SUN2: variants seen among roughly 807,000 people sequenced by gnomAD.
SUN2 encodes Sad1 and UNC84 domain containing 2.
Under a neutral mutation model 100.0 loss-of-function variants are expected in SUN2, and 60 were observed. The ratio of observed to expected loss-of-function variants is 0.60; its 90% CI spans 0.49 to 0.74. The LOEUF is 0.74. Among genes scored for constraint, SUN2 ranks in the 30% least tolerant of loss-of-function variants. The pLI is 0.00. For missense variants in SUN2, 834 were observed against 954.6 expected, an observed-to-expected ratio of 0.87 and a Z score of 1.66; for synonymous variants, 367 against 403.3, an observed-to-expected ratio of 0.91 and a Z score of 1.08.
intron 17 of SUN2, among the ~76,000 whole-genome samples, chr22:38,736,956 A>T (rs1421199997): frequency 6.6e-6 from 1 of 152,056 alleles, no homozygotes; most frequent in Non-Finnish European, 1.5e-5. Context: ...GGATCCTCCC[A>T]CCTTAGCCTC....
chr22:38,736,228 C>A lies in SUN2; in HGVS notation c.*39G>T. 6.3e-7 allele frequency: 1 copy of A among 1,582,852 alleles called. No individual in the cohort carries two copies. The highest frequency in any genetic ancestry group is 8.7e-7 in the Non-Finnish European group (1 of 1,155,234). ...GGGAAGCGGCGGGGTGCTGTTCACC[C>A]ACTCCCAGATGGCTGGCAGCAGGCA... On this transcript the variant is annotated 3_prime_UTR_variant, in exon 18 of 18. Transcript: ENST00000689035.
intron 5 of SUN2, 65 bp from the exon 6 acceptor site, chr22:38,749,924 G>A (rs138816207): frequency 1.7e-5 from 25 of 1,490,412 alleles, no homozygotes; most frequent in African/African-American, 1.2e-4. Context: ...CCTTTGTCCC[G>A]TCTGCCGTCC....
intron 8 of SUN2, 24 bp from the exon 9 acceptor site, chr22:38,742,579 C>T (rs773931170): frequency 1.7e-5 from 27 of 1,594,008 alleles, no homozygotes; most frequent in Admixed American, 5.1e-5. Flanking sequence ...GAGAGAGCCA[C>T]GGAGTGAGGG....
chr22:38,751,655 C>T (rs539108363), intron 2 of SUN2, among the ~76,000 whole-genome samples: 205 of 152,384 alleles, frequency 1.3e-3, no homozygotes, highest in African/African-American at 4.7e-3. Context: ...CCTGACCTGG[C>T]CTCAGAGCTA....
In SUN2 at chr22:38,755,337, T is replaced by C; in HGVS notation, c.-38+426A>G. 1 of 1,092,148 alleles carries C rather than the reference T, an allele frequency of 9.2e-7. No homozygotes were observed. The highest frequency in any genetic ancestry group is 4.5e-4 in the Middle Eastern group (1 of 2,244). The allele number at this position is 1,092,148 out of a possible 1,614,324, so 67.7% of individuals were successfully genotyped here. On this transcript the variant is annotated intron_variant, in intron 1 of 17. Coordinates refer to ENST00000689035, the MANE Select transcript of SUN2 (RefSeq NM_015374.3). This position sits in a 1 kb window ranked among gnomAD's most constrained non-coding sequence, Gnocchi z 5.7. ...AAGTCACACCGCGCCCCCCATTGCT[T>C]TGTTTTGTTTTGTTTTAGAACTGAA...
chr22:38,738,696 A>G lies in SUN2; in HGVS notation c.1838T>C (p.Val613Ala). 3 of 1,613,724 alleles carry G rather than the reference A, an allele frequency of 1.9e-6. No individual in the cohort carries two copies. The highest frequency in any genetic ancestry group is 2.5e-6 in the Non-Finnish European group (3 of 1,179,990). Residue 613 changes from valine (V) to alanine (A), a missense_variant, in exon 16 of 18, where the codon GTC (valine) becomes GCC (alanine). Physicochemically the swap from Val to Ala is moderately conservative, Grantham distance 64 (BLOSUM62 0). This residue lies in a region of SUN2 where 195 missense variants were observed against 280.2 expected (regional missense o/e 0.70). Coordinates refer to ENST00000689035, the MANE Select transcript of SUN2 (RefSeq NM_015374.3). The surrounding 1 kb of genome is among the most constrained non-coding windows in gnomAD (Gnocchi z 6.6). ...AFQGPQGFAV[V>A]RLSARIRPTA... ...GGGGCGGATGCGGGCAGAGAGGCGG[A>G]CCACGGCGAAGCCTTGTGGCCCCTG...
At chr22:38,741,207 G>A (rs960141278) in intron 10 of SUN2, among the ~76,000 whole-genome samples, 157 bp from the exon 11 acceptor site, 2 of 152,126 alleles carry the variant, frequency 1.3e-5, no homozygotes, top group African/African-American at 4.8e-5. Context: ...CCTTGTCAAA[G>A]CCCTCATGAG....
intron 4 of SUN2, 88 bp from the exon 5 acceptor site, chr22:38,750,408 C>T: frequency 2.6e-6 from 4 of 1,565,982 alleles, no homozygotes; most frequent in Non-Finnish European, 3.5e-6. Flanking sequence ...CACAAGTCAC[C>T]CACCCTCCTT....
chr22:38,752,918 G>A (rs751686472), intron 1 of SUN2, among the ~76,000 whole-genome samples: 8 of 152,244 alleles, frequency 5.3e-5, no homozygotes, highest in Non-Finnish European at 8.8e-5. Flanking sequence ...CCTCTTCCAG[G>A]GCGCTTTCCA....
In SUN2 at chr22:38,752,576, C is replaced by T. The variant is rs1195787762; in HGVS notation, c.53G>A (p.Gly18Asp). 7 of 1,613,998 alleles carry T rather than the reference C, an allele frequency of 4.3e-6. No homozygotes were observed. The highest frequency in any genetic ancestry group is 4.2e-6 in the Non-Finnish European group (5 of 1,179,946). ...CGAGCTCCCTCCGCTGCTGCTGCTG[C>T]CGTCATCGTCACCCTGGGAGTAGCG... ...LTRYSQGDDD[G>D]SSSSGGSSVA... Residue 18 changes from glycine (G) to aspartate (D), a missense_variant, in exon 2 of 18, where the codon GGC becomes GAC. Gly to Asp is a moderately conservative substitution (Grantham distance 94). Transcript: ENST00000689035.
Position 38,740,740 on chromosome 22 carries a change from G to GT in SUN2, c.1190+266dup. 1.7e-6 allele frequency: 1 copy of GT among 589,604 alleles called. No homozygotes were observed. Among genetic ancestry groups the GT allele is most frequent in the South Asian group, 2.1e-5 (1 of 48,300 alleles). The allele number at this position is 589,604 out of a possible 1,614,324, so 36.5% of individuals were successfully genotyped here. On this transcript the variant is annotated intron_variant, in intron 11 of 17. Coordinates refer to ENST00000689035, the MANE Select transcript of SUN2 (RefSeq NM_015374.3). This position sits in a 1 kb window ranked among gnomAD's most constrained non-coding sequence, Gnocchi z 4.8. ...CATGAGAAGGCAGTTATGTGAGGCT[G>GT]TAAGAAAGGATGCTGTGTCTATAAA... is the stretch of plus-strand genomic sequence containing the variant.
chr22:38,754,961 G>C, intron 1 of SUN2: 1 of 1,289,260 alleles, frequency 7.8e-7, no homozygotes, highest in Non-Finnish European at 1.0e-6. Flanking sequence ...CAAGAAGTGA[G>C]CCTCTGGGAG....
chr22:38,737,044 G>T lies in SUN2; in HGVS notation c.2041-664C>A, dbSNP rs938077796. 6.6e-6 allele frequency among the ~76,000 whole-genome samples: 1 copy of T among 152,112 alleles called. No homozygotes were observed. Among genetic ancestry groups the T allele is most frequent in the East Asian group, 1.9e-4 (1 of 5,188 alleles). ...ACATTTTTTGTAGAGTCGGGATCTC[G>T]CTGTGTTCACCAGCCTGGTCTTGAA... On this transcript the variant is annotated intron_variant, in intron 17 of 17. Coordinates refer to ENST00000689035, the MANE Select transcript of SUN2 (RefSeq NM_015374.3). This position sits in a 1 kb window ranked among gnomAD's most constrained non-coding sequence, Gnocchi z 4.1.
Position 38,740,480 on chromosome 22 carries a change from G to T in SUN2, c.1191-48C>A, listed in dbSNP as rs1324211045. 2.1e-6 allele frequency: 3 copies of T among 1,420,298 alleles called. No individual in the cohort carries two copies. Among genetic ancestry groups the T allele is most frequent in the African/African-American group, 2.9e-5 (2 of 68,710 alleles). The allele number at this position is 1,420,298 out of a possible 1,614,324, so 88.0% of individuals were successfully genotyped here. ...AAGCCTCGGATCTCTTTGGTGGGAG[G>T]TAAGGCCACACCAAAGATGAAAGAG... is the stretch of plus-strand genomic sequence containing the variant. On this transcript the variant is annotated intron_variant, in intron 11 of 17. Coordinates refer to ENST00000689035, the MANE Select transcript of SUN2 (RefSeq NM_015374.3). This position sits in a 1 kb window ranked among gnomAD's most constrained non-coding sequence, Gnocchi z 4.8.
Position 38,739,666 on chromosome 22 carries a change from G to C in SUN2, c.1578+56C>G. On this transcript the variant is annotated intron_variant, in intron 13 of 17. Transcript: ENST00000689035. This position sits in a 1 kb window ranked among gnomAD's most constrained non-coding sequence, Gnocchi z 6.7. ...AGCTGGCAGTGTGGGACTGTCCAGGGCTCCCAGGGAGGAGAGCTGTGGGTG... is the reference window on the plus strand; with the variant it reads ...AGCTGGCAGTGTGGGACTGTCCAGGCCTCCCAGGGAGGAGAGCTGTGGGTG... 6.3e-7 allele frequency: 1 copy of C among 1,579,270 alleles called. No individual in the cohort carries two copies. The highest frequency in any genetic ancestry group is 1.7e-4 in the Middle Eastern group (1 of 5,934).
chr22:38,740,881 C>G lies in SUN2; in HGVS notation c.1190+126G>C, dbSNP rs1015459005. The G allele has an allele frequency of 1.2e-5, 13 of 1,088,880 alleles. No individual in the cohort carries two copies. In the African/African-American group the frequency reaches 1.9e-4, roughly 16 times the overall value. The allele number at this position is 1,088,880 out of a possible 1,614,324, so 67.5% of individuals were successfully genotyped here. A position where few individuals can be genotyped will look rare whatever the true frequency, so the allele number is the denominator to read the frequency against. ...GGTCCTGAGCTGGGTTTCAACCCCT[C>G]CCCCTACCATCTGCTTGGCAAGATG... On this transcript the variant is annotated intron_variant, in intron 11 of 17. Transcript: ENST00000689035. This position sits in a 1 kb window ranked among gnomAD's most constrained non-coding sequence, Gnocchi z 4.8.
chr22:38,741,039 A>C lies in SUN2; in HGVS notation c.1158T>G (p.Ala386=), dbSNP rs1569297341. The change falls in exon 11 of 18, where the codon GCT becomes GCG. Residue 386 remains alanine (A), a synonymous_variant. Transcript: ENST00000689035. The part of the protein sequence containing the change: ...KIVRASQESE[A]RIQQLKSEWQ... ...ACTCTGACTTCAGCTGCTGGATGCG[A>C]GCCTCGGACTCCTGTGTAGGAAGAA... is the stretch of plus-strand genomic sequence containing the variant. 1 of 1,598,072 alleles carries C rather than the reference A, an allele frequency of 6.3e-7. No individual in the cohort carries two copies. The highest frequency in any genetic ancestry group is 2.3e-5 in the East Asian group (1 of 44,388).
Position 38,755,995 on chromosome 22 carries a change from G to A in SUN2, c.-270C>T. On this transcript the variant is annotated 5_prime_UTR_variant, in exon 1 of 18. In the 5' UTR this introduces an upstream ATG that the reference lacks. Transcript: ENST00000689035. The surrounding 1 kb of genome is among the most constrained non-coding windows in gnomAD (Gnocchi z 5.7). The stretch of plus-strand genomic sequence containing the variant: ...GCGCGAGTGGGGCCGGGCGGCGCGC[G>A]TGTGGCCGACTCTGTATGTGTGCGC... The A allele has an allele frequency of 4.1e-6, 4 of 984,644 alleles. No individual in the cohort carries two copies. Among genetic ancestry groups the A allele is most frequent in the Non-Finnish European group, 4.8e-6 (4 of 829,674 alleles). The allele number at this position is 984,644 out of a possible 1,614,324, so 61.0% of individuals were successfully genotyped here. A position where few individuals can be genotyped will look rare whatever the true frequency, so the allele number is the denominator to read the frequency against.
chr22:38,737,548 C>T lies in SUN2; in HGVS notation c.2040+625G>A, dbSNP rs568813398. 2.6e-5 allele frequency among the ~76,000 whole-genome samples: 4 copies of T among 152,256 alleles called. No homozygotes were observed. The highest frequency in any genetic ancestry group is 6.5e-5 in the Admixed American group (1 of 15,282). ...AGCACAGCACTGCCTCCCCCAGGTC[C>T]CTGAGGGCTTATTTCCTGCCTCTCT... On this transcript the variant is annotated intron_variant, in intron 17 of 17. Transcript: ENST00000689035. The surrounding 1 kb of genome is among the most constrained non-coding windows in gnomAD (Gnocchi z 4.1).
Sources: gnomAD v4.1 joint callset for allele counts (sites outside exome capture counted in the v4.1 genomes callset) on GRCh38, gnomAD v4.1.1 for gene constraint, gnomAD v4.1.1 regional missense constraint, Gnocchi (gnomAD v3.1) non-coding constraint, MANE v1.5 for transcripts, NCBI Gene and HGNC (gene_info 2026-07-23, HGNC 2026-07-21) for gene names.